Variants in GLRA1 observed in about 807,000 individuals in gnomAD.
GLRA1 encodes the protein glycine receptor subunit alpha-1.
GLRA1 carries 37 observed loss-of-function variants against 48.3 expected under a neutral mutation model. That is an observed-to-expected ratio of 0.77 (90% confidence interval 0.59 to 1.01). The LOEUF is 1.01. GLRA1 is among the 50% of genes least tolerant of loss of function. GLRA1 has a pLI of 0.00. For synonymous variants in GLRA1, 196 were observed against 210.7 expected (o/e 0.93, Z 0.60); for missense variants, 427 against 571.0 (o/e 0.75, Z 2.57).
chr5:151,822,669 C>T lies in GLRA1; in HGVS notation c.*4G>A, dbSNP rs376388353. 18 of 1,604,748 alleles carry T rather than the reference C, an allele frequency of 1.1e-5. No individual in the cohort carries two copies. The highest frequency in any genetic ancestry group is 1.5e-5 in the Non-Finnish European group (18 of 1,171,514). ...TCCCAGCCTCCCCCAACCTTTCAGA[C>T]CCTTCACTGGTTGTGGACGTCCTCT... On this transcript the variant is annotated 3_prime_UTR_variant, in exon 9 of 9. Transcript: ENST00000274576.
intron 7 of GLRA1, among the ~76,000 whole-genome samples, chr5:151,847,759 A>G (rs1752716970): frequency 6.6e-6 from 1 of 151,386 alleles, no homozygotes; most frequent in South Asian, 2.1e-4. Context: ...AGCAGAATGC[A>G]AGATCTAGTG....
chr5:151,826,411 C>T (rs1763272292), intron 8 of GLRA1, among the ~76,000 whole-genome samples: 1 of 152,148 alleles, frequency 6.6e-6, no homozygotes. Context: ...AAATGCAGGA[C>T]AATTTTTATC....
At chr5:151,882,085 C>G (rs76065126) in intron 3 of GLRA1, among the ~76,000 whole-genome samples, 123 of 152,308 alleles carry the variant, frequency 8.1e-4, no homozygotes, top group Non-Finnish European at 1.6e-3. Context: ...GTGCAATCCT[C>G]TCTCTGGCCT....
At chr5:151,854,391 A>G (rs1752982764) in intron 6 of GLRA1, among the ~76,000 whole-genome samples, 1 of 152,056 alleles carries the variant, frequency 6.6e-6, no homozygotes, top group South Asian at 2.1e-4. Context: ...CTGGGTTCAG[A>G]CCCCAGCTTC....
At chr5:151,843,292 ACTCT>A (rs1752559485) in intron 7 of GLRA1, among the ~76,000 whole-genome samples, 1 of 121,200 alleles carries the variant, frequency 8.3e-6, no homozygotes, top group Non-Finnish European at 1.6e-5. Flanking sequence ...ATGGAGTCTC[ACTCT>A]CTCTCCCAGG....
chr5:151,876,027 G>A (rs913998357), intron 3 of GLRA1, among the ~76,000 whole-genome samples: 7 of 152,186 alleles, frequency 4.6e-5, no homozygotes, highest in Non-Finnish European at 1.0e-4. Context: ...TCAGAAAAGT[G>A]CTCAGTAAAT....
intron 3 of GLRA1, among the ~76,000 whole-genome samples, chr5:151,883,308 T>G (rs541640200): frequency 9.8e-5 from 15 of 152,294 alleles, no homozygotes; most frequent in Non-Finnish European, 2.2e-4. Flanking sequence ...GGCATGATAT[T>G]GGGTTGGATT....
intron 1 of GLRA1, among the ~76,000 whole-genome samples, chr5:151,893,343 TC>T (rs1473240066): frequency 6.7e-6 from 1 of 149,850 alleles, no homozygotes; most frequent in Non-Finnish European, 1.5e-5. Flanking sequence ...TTTCTTTCTT[TC>T]TTTCTTTCTT....
chr5:151,896,943 G>A (rs1365295086), intron 1 of GLRA1, among the ~76,000 whole-genome samples: 1 of 152,186 alleles, frequency 6.6e-6, no homozygotes, highest in African/African-American at 2.4e-5. Context: ...AAGTTACAAA[G>A]GAAGTGCAGC....
At chr5:151,849,839 C>T in intron 7 of GLRA1, 1 of 1,322,070 alleles carries the variant, frequency 7.6e-7, no homozygotes, top group African/African-American at 1.5e-5. Context: ...CAGGCATGAG[C>T]CACCATGCCT....
chr5:151,867,295 AGG>A (rs2113372389), intron 3 of GLRA1, among the ~76,000 whole-genome samples: 1 of 152,134 alleles, frequency 6.6e-6, no homozygotes, highest in South Asian at 2.1e-4. Context: ...GATTGTTCTG[AGG>A]TGTGAACAGT....
intron 1 of GLRA1, among the ~76,000 whole-genome samples, chr5:151,918,984 C>T (rs1033561045): frequency 1.3e-5 from 2 of 151,964 alleles, no homozygotes; most frequent in Middle Eastern, 3.2e-3. Flanking sequence ...ATATGGGGTC[C>T]CTGGGTACAT....
chr5:151,889,950 C>A (rs991545707), intron 2 of GLRA1, among the ~76,000 whole-genome samples: 2 of 151,958 alleles, frequency 1.3e-5, no homozygotes, highest in South Asian at 4.2e-4. Context: ...AGGGTTGGGA[C>A]GGGCCTAAAA....
intron 8 of GLRA1, among the ~76,000 whole-genome samples, chr5:151,824,662 A>G (rs1014150017): frequency 8.5e-5 from 13 of 152,128 alleles, no homozygotes; most frequent in Non-Finnish European, 1.8e-4. Context: ...TCTTCCTTAG[A>G]AGCCTTCTCT....
rs563561501 is a variant in GLRA1, at chr5:151,833,527, G to A, written c.913-4460C>T. The stretch of plus-strand genomic sequence containing the variant: ...CCCCCAGGGTGGAGTGCAATGGCAC[G>A]ATCTCAGCTCGCCAAATCCTCCGCC... On this transcript the variant is annotated intron_variant, in intron 7 of 8. Coordinates refer to ENST00000274576, the MANE Select transcript of GLRA1 (RefSeq NM_000171.4). Among the ~76,000 whole-genome samples, 3 of 152,154 alleles carry A rather than the reference G, an allele frequency of 2.0e-5. No homozygotes were observed. In the South Asian group the frequency reaches 6.2e-4, roughly 32 times the overall value.
intron 1 of GLRA1, among the ~76,000 whole-genome samples, chr5:151,902,540 C>G (rs1366987850): frequency 1.3e-5 from 2 of 152,018 alleles, no homozygotes; most frequent in African/African-American, 4.8e-5. Context: ...AATAAACTTT[C>G]ATTTCTCAGG....
At chr5:151,876,978 T>C (rs1753642534) in intron 3 of GLRA1, among the ~76,000 whole-genome samples, 1 of 151,964 alleles carries the variant, frequency 6.6e-6, no homozygotes, top group Non-Finnish European at 1.5e-5. Context: ...GAGAAGCCAT[T>C]TGAGGACACA....
chr5:151,885,964 T>C (rs1182828768), intron 3 of GLRA1, among the ~76,000 whole-genome samples: 1 of 152,138 alleles, frequency 6.6e-6, no homozygotes, highest in African/African-American at 2.4e-5. Context: ...GGGTGGATGT[T>C]CCGAAATGGA....
chr5:151,853,969 T>G (rs1335198174), intron 6 of GLRA1, among the ~76,000 whole-genome samples: 1 of 152,236 alleles, frequency 6.6e-6, no homozygotes, highest in Non-Finnish European at 1.5e-5. Flanking sequence ...GTGGTAATTA[T>G]TTCACAATGC....
Sources: allele counts gnomAD v4.1 joint callset (sites outside exome capture counted in the v4.1 genomes callset), GRCh38; gene constraint gnomAD v4.1.1; transcripts MANE v1.5; gene names NCBI Gene and HGNC (gene_info 2026-07-23, HGNC 2026-07-21).